HCN3: variants seen among roughly 807,000 people sequenced by gnomAD.
HCN3 encodes potassium/sodium hyperpolarization-activated cyclic nucleotide-gated channel 3.
HCN3 carries 36 observed loss-of-function variants against 56.8 expected under a neutral mutation model. That is an observed-to-expected ratio of 0.63 (90% CI 0.49 to 0.84). HCN3 has a LOEUF of 0.84. Ranked by LOEUF, HCN3 falls within the 40% of genes least tolerant of loss-of-function variation. The pLI, the probability that HCN3 is intolerant of heterozygous loss-of-function variation, is 0.00. For synonymous variants in HCN3, 425 were observed against 439.7 expected (o/e 0.97, Z 0.42); for missense variants, 930 against 1,079.3 (o/e 0.86, Z 1.94).
rs748561252 is a variant in HCN3, at chr1:155,277,780, G to A, written c.190G>A (p.Val64Met). 2 of 1,611,402 alleles carry A rather than the reference G, an allele frequency of 1.2e-6. No homozygotes were observed. Among genetic ancestry groups the A allele is most frequent in the African/African-American group, 1.3e-5 (1 of 74,990 alleles). Reference protein sequence around the residue: ...QPTVNKFSLRVFGSHKAVEIE... With the variant: ...QPTVNKFSLRMFGSHKAVEIE... The stretch of plus-strand genomic sequence containing the variant: ...TACGGTCAACAAGTTCTCCCTTCGG[G>A]TGTTCGGCAGCCACAAAGCAGTGGA... The change falls in exon 1 of 8, where the codon GTG becomes ATG. Residue 64 changes from valine (V) to methionine (M), a missense_variant. By Grantham distance (21) the Val-to-Met change is conservative. Coordinates refer to ENST00000368358, the MANE Select transcript of HCN3 (RefSeq NM_020897.3).
chr1:155,285,631 C>A lies in HCN3; in HGVS notation c.1237-93C>A. On this transcript the variant is annotated intron_variant, in intron 5 of 7. Coordinates refer to ENST00000368358, the MANE Select transcript of HCN3 (RefSeq NM_020897.3). This position sits in a 1 kb window ranked among gnomAD's most constrained non-coding sequence, Gnocchi z 4.5. ...CTCCCCATCCTTTGGCAGAACATGACCCCAGGGGTGGGGTTTCTGGAAGCG... is the reference window on the plus strand; with the variant it reads ...CTCCCCATCCTTTGGCAGAACATGAACCCAGGGGTGGGGTTTCTGGAAGCG... 3.9e-6 allele frequency: 6 copies of A among 1,532,662 alleles called. No individual in the cohort carries two copies. Among genetic ancestry groups the A allele is most frequent in the South Asian group, 1.2e-5 (1 of 80,780 alleles). The allele number at this position is 1,532,662 out of a possible 1,614,324, so 94.9% of individuals were successfully genotyped here. A position where few individuals can be genotyped will look rare whatever the true frequency, so the allele number is the denominator to read the frequency against.
intron 7 of HCN3, 60 bp downstream of exon 7, chr1:155,287,397 A>C: frequency 6.3e-7 from 1 of 1,593,458 alleles, no homozygotes; most frequent in Non-Finnish European, 8.6e-7. Context: ...CCACCTCCAA[A>C]GCAAGGAGCC....
chr1:155,285,371 G>A lies in HCN3; in HGVS notation c.1236+60G>A. On this transcript the variant is annotated intron_variant, in intron 5 of 7. Coordinates refer to ENST00000368358, the MANE Select transcript of HCN3 (RefSeq NM_020897.3). This position sits in a 1 kb window ranked among gnomAD's most constrained non-coding sequence, Gnocchi z 4.5. ...CAGGGACCTGGAGTGCTGTCTGGTGGTAGGGGCTATTGGTCAGCAGGTGCT... is the reference window on the plus strand; with the variant it reads ...CAGGGACCTGGAGTGCTGTCTGGTGATAGGGGCTATTGGTCAGCAGGTGCT... The A allele has an allele frequency of 3.8e-6, 6 of 1,591,936 alleles. No homozygotes were observed. Among genetic ancestry groups the A allele is most frequent in the Admixed American group, 3.5e-5 (2 of 57,750 alleles).
At position 155,287,268 on chromosome 1, in the gene HCN3, G is replaced by A. The variant is rs1252726141; in HGVS notation, c.1573G>A (p.Val525Met). The A allele has an allele frequency of 1.2e-6, 2 of 1,613,922 alleles. No individual in the cohort carries two copies. The highest frequency in any genetic ancestry group is 1.7e-6 in the Non-Finnish European group (2 of 1,179,964). Residue 525 changes from valine (V) to methionine (M), a missense_variant, in exon 7 of 8, where the codon GTG (valine) becomes ATG (methionine). Coordinates refer to ENST00000368358, the MANE Select transcript of HCN3 (RefSeq NM_020897.3). ...ACTCAGCGTGGACCATTTCAATGCT[G>A]TGCTTGAGGAGTTCCCCATGATGCG... ...YSLSVDHFNA[V>M]LEEFPMMRRA...
chr1:155,289,405 G>A lies in HCN3; in HGVS notation c.*942G>A, dbSNP rs1340178411. On this transcript the variant is annotated 3_prime_UTR_variant, in exon 8 of 8. Transcript: ENST00000368358. ...CTCCTTTTCAGGTAAGGAGACAGGA[G>A]GAGTAGGAGGAGGCAGGGCCTCTCC... 6.6e-6 allele frequency: 1 copy of A among 152,218 alleles called. No individual in the cohort carries two copies. The highest frequency in any genetic ancestry group is 1.5e-5 in the Non-Finnish European group (1 of 68,048). The allele number at this position is 152,218 out of a possible 1,614,324, so 9.4% of individuals were successfully genotyped here. A position where few individuals can be genotyped will look rare whatever the true frequency, so the allele number is the denominator to read the frequency against.
chr1:155,282,759 C>G lies in HCN3; in HGVS notation c.627C>G (p.Ile209Met), dbSNP rs770156011. ...ACAAAACGGCACGGGCCCTACGCAT[C>G]GTTCGCTTCACCAAGATCCTAAGCC... is the stretch of plus-strand genomic sequence containing the variant. ...EVYKTARALR[I>M]VRFTKILSLL... Residue 209 changes from isoleucine (I) to methionine (M), a missense_variant, in exon 2 of 8, where the codon ATC (isoleucine) becomes ATG (methionine). Coordinates refer to ENST00000368358, the MANE Select transcript of HCN3 (RefSeq NM_020897.3). The surrounding 1 kb of genome is among the most constrained non-coding windows in gnomAD (Gnocchi z 4.7). 2 of 1,614,116 alleles carry G rather than the reference C, an allele frequency of 1.2e-6. No homozygotes were observed. Among genetic ancestry groups the G allele is most frequent in the South Asian group, 2.2e-5 (2 of 91,076 alleles).
In HCN3 at chr1:155,288,423, C is replaced by T. The variant is rs764495418; in HGVS notation, c.2285C>T (p.Pro762Leu). 1 of 1,611,116 alleles carries T rather than the reference C, an allele frequency of 6.2e-7. No homozygotes were observed. The highest frequency in any genetic ancestry group is 1.1e-5 in the South Asian group (1 of 90,772). Residue 762 changes from proline (P) to leucine (L), a missense_variant, in exon 8 of 8, where the codon CCA becomes CTA. Pro to Leu is a moderately conservative substitution (Grantham distance 98). Transcript: ENST00000368358. The surrounding 1 kb of genome is among the most constrained non-coding windows in gnomAD (Gnocchi z 6.5). The part of the protein sequence containing the change: ...AQPPRPPVPE[P>L]ATPRGLQLSA... ...CCCCCCAGGCCACCAGTGCCTGAGC[C>T]AGCCACACCCCGGGGTCTCCAGCTT...
Position 155,288,836 on chromosome 1 carries a change from C to A in HCN3, c.*373C>A. On this transcript the variant is annotated 3_prime_UTR_variant, in exon 8 of 8. Transcript: ENST00000368358. The surrounding 1 kb of genome is among the most constrained non-coding windows in gnomAD (Gnocchi z 6.5). ...GGCCCATGACCCCACCTTTACTAAG[C>A]ACAAGTACTTGCCACTGCCATCACT... 4.4e-6 allele frequency: 1 copy of A among 227,780 alleles called. No individual in the cohort carries two copies. The highest frequency in any genetic ancestry group is 8.6e-6 in the Non-Finnish European group (1 of 116,024). 14.1% of individuals were successfully genotyped at this position (227,780 alleles called of 1,614,324 possible). A position where few individuals can be genotyped will look rare whatever the true frequency, so the allele number is the denominator to read the frequency against.
intron 1 of HCN3, among the ~76,000 whole-genome samples, chr1:155,280,184 A>T (rs1383236491): frequency 6.6e-6 from 1 of 151,922 alleles, no homozygotes; most frequent in Non-Finnish European, 1.5e-5. Flanking sequence ...TGACCTCGTG[A>T]TCCACCCACC....
intron 2 of HCN3, 89 bp from the exon 3 acceptor site, chr1:155,283,885 G>T: frequency 7.1e-7 from 1 of 1,416,730 alleles, no homozygotes; most frequent in Non-Finnish European, 9.8e-7. Context: ...CTAGGGAGTA[G>T]TTCAGAAGAG....
chr1:155,284,497 G>A lies in HCN3; in HGVS notation c.871-42G>A, dbSNP rs372932302. 6.8e-5 allele frequency: 107 copies of A among 1,569,522 alleles called. No individual in the cohort carries two copies. Among genetic ancestry groups the A allele is most frequent in the Non-Finnish European group, 8.6e-5 (99 of 1,149,100 alleles). On this transcript the variant is annotated intron_variant, in intron 3 of 7. Transcript: ENST00000368358. This position sits in a 1 kb window ranked among gnomAD's most constrained non-coding sequence, Gnocchi z 4.3. ...AGGGGCAGGCAGAGAATGAGGCTCC[G>A]AGGGGCCCATGCCCAGCTCTGCAAT...
Position 155,285,329 on chromosome 1 carries a change from C to G in HCN3, c.1236+18C>G, listed in dbSNP as rs1263939859. The G allele has an allele frequency of 1.9e-6, 3 of 1,613,022 alleles. No homozygotes were observed. In the South Asian group the frequency reaches 3.3e-5, roughly 18 times the overall value. The stretch of plus-strand genomic sequence containing the variant: ...TTCGCGAGGTGGGGCTGGGTTGGGC[C>G]TGGAAGGGGGGCTCTTCAGGGACCT... On this transcript the variant is annotated intron_variant, in intron 5 of 7. Transcript: ENST00000368358. The surrounding 1 kb of genome is among the most constrained non-coding windows in gnomAD (Gnocchi z 4.5).
intron 7 of HCN3, 99 bp from the exon 8 acceptor site, chr1:155,287,682 A>G: frequency 1.3e-6 from 2 of 1,489,690 alleles, no homozygotes; most frequent in Non-Finnish European, 1.8e-6. Flanking sequence ...CCTACCCTCA[A>G]CCCCACCCCA....
Position 155,285,034 on chromosome 1 carries a change from C to A in HCN3, c.1090-131C>A. On this transcript the variant is annotated intron_variant, in intron 4 of 7. Coordinates refer to ENST00000368358, the MANE Select transcript of HCN3 (RefSeq NM_020897.3). The surrounding 1 kb of genome is among the most constrained non-coding windows in gnomAD (Gnocchi z 4.5). Reference sequence around the variant, plus strand: ...GTATTCCTCTGTGGCCCTGTGTATCCATGTCTGGTTCCACGTTTCACCCCT... The same window carrying A: ...GTATTCCTCTGTGGCCCTGTGTATCAATGTCTGGTTCCACGTTTCACCCCT... The A allele has an allele frequency of 1.9e-6, 2 of 1,028,442 alleles. No homozygotes were observed. The highest frequency in any genetic ancestry group is 2.9e-6 in the Non-Finnish European group (2 of 686,124). The allele number at this position is 1,028,442 out of a possible 1,614,324, so 63.7% of individuals were successfully genotyped here.
Position 155,283,929 on chromosome 1 carries a change from A to G in HCN3, c.709-45A>G, listed in dbSNP as rs775047600. 1.8e-5 allele frequency: 29 copies of G among 1,585,898 alleles called. No individual in the cohort carries two copies. The Admixed American group carries it at 3.2e-4, about 17-fold the overall frequency. ...AGGCTGGGAATGGAGGAGGACAAGC[A>G]GGGAGGGGTTCCTGTCCACAGCAGC... On this transcript the variant is annotated intron_variant, in intron 2 of 7. Transcript: ENST00000368358.
rs1344811238 is a variant in HCN3 at position 155,287,319 on chromosome 1, G to A, written c.1624G>A (p.Asp542Asn). 1 of 1,613,846 alleles carries A rather than the reference G, an allele frequency of 6.2e-7. No homozygotes were observed. Among genetic ancestry groups the A allele is most frequent in the Non-Finnish European group, 8.5e-7 (1 of 1,179,934 alleles). Residue 542 changes from aspartate (D) to asparagine (N), a missense_variant, in exon 7 of 8, where the codon GAT becomes AAT. Coordinates refer to ENST00000368358, the MANE Select transcript of HCN3 (RefSeq NM_020897.3). ...MRRAFETVAM[D>N]RLLRIGKKNS... ...CCGGGCCTTTGAGACTGTGGCCATG[G>A]ATCGGCTGCTCCGCATCGGTGAGAC...
Position 155,284,024 on chromosome 1 carries a change from C to T in HCN3, c.759C>T (p.Asn253=), listed in dbSNP as rs1264026558. 5 of 1,614,160 alleles carry T rather than the reference C, an allele frequency of 3.1e-6. No individual in the cohort carries two copies. The highest frequency in any genetic ancestry group is 1.1e-5 in the South Asian group (1 of 91,084). Residue 253 remains asparagine, a synonymous_variant, in exon 3 of 8, where the codon AAC becomes AAT. Coordinates refer to ENST00000368358, the MANE Select transcript of HCN3 (RefSeq NM_020897.3). The surrounding 1 kb of genome is among the most constrained non-coding windows in gnomAD (Gnocchi z 4.3). ...DLASAVVRIF[N]LIGMMLLLCH... is the part of the protein sequence containing the mutation. ...CCAGTGCTGTGGTTCGCATCTTCAA[C>T]CTCATTGGGATGATGCTGCTGCTAT...
At position 155,277,820 on chromosome 1, in the gene HCN3, G is replaced by A. The variant is rs771805071; in HGVS notation, c.230G>A (p.Arg77Gln). 3 of 1,612,436 alleles carry A rather than the reference G, an allele frequency of 1.9e-6. No homozygotes were observed. The highest frequency in any genetic ancestry group is 2.5e-6 in the Non-Finnish European group (3 of 1,179,942). ...AAAGCAGTGGAAATCGAGCAGGAGC[G>A]GGTGAAGTCAGCGGGGGCCTGGATC... ...SHKAVEIEQE[R>Q]VKSAGAWIIH... The change falls in exon 1 of 8, where the codon CGG (arginine) becomes CAG (glutamine). Residue 77 changes from arginine to glutamine, a missense_variant. Arg to Gln is a conservative substitution (Grantham distance 43). Coordinates refer to ENST00000368358, the MANE Select transcript of HCN3 (RefSeq NM_020897.3).
At chr1:155,286,728 A>G (rs936040385) in intron 6 of HCN3, among the ~76,000 whole-genome samples, 5 of 148,312 alleles carry the variant, frequency 3.4e-5, no homozygotes, top group Admixed American at 6.8e-5. Flanking sequence ...CAAACCACCC[A>G]CTACTCCCAT....
Sources: gnomAD v4.1 joint callset for allele counts (sites outside exome capture counted in the v4.1 genomes callset) on GRCh38, gnomAD v4.1.1 for gene constraint, Gnocchi (gnomAD v3.1) non-coding constraint, MANE v1.5 for transcripts, NCBI Gene and HGNC (gene_info 2026-07-23, HGNC 2026-07-21) for gene names.